The following CNTN5 variants were observed in gnomAD, a reference collection of about 807,000 sequenced individuals.
The protein encoded by CNTN5 is contactin 5, also known as contactin-5.
CNTN5 carries 77 observed loss-of-function variants against 129.1 expected under a neutral mutation model. That is an observed-to-expected ratio of 0.60 (90% CI 0.50 to 0.72). CNTN5 has a LOEUF of 0.72. Ranked by LOEUF, CNTN5 falls within the 30% of genes least tolerant of loss-of-function variation. The probability of loss-of-function intolerance (pLI) is 0.00; values close to 1 mark genes in which losing one functional copy is unlikely to be tolerated. For missense variants in CNTN5, 1,478 were observed against 1,328.8 expected, an observed-to-expected ratio of 1.11 and a Z score of -1.75; for synonymous variants, 509 against 465.6, an observed-to-expected ratio of 1.09 and a Z score of -1.20.
intron 9 of CNTN5, among the ~76,000 whole-genome samples, chr11:100,053,071 C>T (rs187599765): frequency 6.6e-6 from 1 of 151,592 alleles, no homozygotes; most frequent in Non-Finnish European, 1.5e-5. Flanking sequence ...GGATCATAGC[C>T]CTAAATGTAA....
chr11:99,374,526 C>CA lies in CNTN5; in HGVS notation c.-71+49050dup, dbSNP rs949168158. On this transcript the variant is annotated intron_variant, in intron 2 of 24. Transcript: ENST00000524871. Reference sequence around the variant, plus strand: ...GTAAAACCCCGTCTCTACAAAAATACAAAAAAAATTAGCCAGGCATGGTGG... The same window carrying CA: ...GTAAAACCCCGTCTCTACAAAAATACAAAAAAAAATTAGCCAGGCATGGTGG... Among the ~76,000 whole-genome samples, 113 of 151,574 alleles carry CA rather than the reference C, an allele frequency of 7.5e-4. 1 individual carries two copies. Among genetic ancestry groups the CA allele is most frequent in the African/African-American group, 2.5e-3 (105 of 41,350 alleles).
chr11:100,006,713 C>G (rs771215918), intron 9 of CNTN5, among the ~76,000 whole-genome samples: 21 of 152,042 alleles, frequency 1.4e-4, no homozygotes, highest in Non-Finnish European at 7.4e-5. Flanking sequence ...AGAACCACTT[C>G]TTCCAAATTC....
chr11:99,734,873 T>C (rs978183483), intron 3 of CNTN5, among the ~76,000 whole-genome samples: 2 of 152,178 alleles, frequency 1.3e-5, no homozygotes, highest in Non-Finnish European at 2.9e-5. Context: ...CCCGGTGCAG[T>C]GGCAGGCGCC....
intron 2 of CNTN5, among the ~76,000 whole-genome samples, chr11:99,390,129 G>GC (rs1454261630): frequency 9.4e-6 from 1 of 106,186 alleles, no homozygotes; most frequent in East Asian, 3.0e-4. Flanking sequence ...AATAAAATAA[G>GC]CCTTTTTTTT....
chr11:99,998,022 T>C (rs1591545206), intron 8 of CNTN5, among the ~76,000 whole-genome samples: 1 of 152,110 alleles, frequency 6.6e-6, no homozygotes, highest in South Asian at 2.1e-4. Flanking sequence ...ATAAGAGCTA[T>C]CTATGACAAA....
intron 13 of CNTN5, among the ~76,000 whole-genome samples, chr11:100,075,394 AG>A (rs1357405646): frequency 1.3e-5 from 2 of 152,160 alleles, no homozygotes; most frequent in Non-Finnish European, 2.9e-5. Context: ...ATAAGGGTCA[AG>A]GCTGTCATTC....
chr11:100,248,948 G>C (rs1390250498), intron 16 of CNTN5, among the ~76,000 whole-genome samples: 2 of 152,128 alleles, frequency 1.3e-5, no homozygotes, highest in East Asian at 3.9e-4. Context: ...CCGTTATCAA[G>C]ACTAAAGCCT....
chr11:100,039,049 G>T (rs980208035), intron 9 of CNTN5, among the ~76,000 whole-genome samples: 2 of 152,204 alleles, frequency 1.3e-5, no homozygotes, highest in African/African-American at 4.8e-5. Flanking sequence ...AGTTGATGCA[G>T]TTTCTTCCTA....
chr11:99,727,891 C>A (rs544673899), intron 3 of CNTN5, among the ~76,000 whole-genome samples: 1 of 140,974 alleles, frequency 7.1e-6, no homozygotes, highest in Admixed American at 7.3e-5. Context: ...CACAATTATC[C>A]ATCACTGTCT....
chr11:99,383,389 G>A (rs1565537990), intron 2 of CNTN5, among the ~76,000 whole-genome samples: 4 of 152,156 alleles, frequency 2.6e-5, no homozygotes, highest in Admixed American at 2.0e-4. Flanking sequence ...TTAGAAATTG[G>A]TTTGCTAATG....
intron 3 of CNTN5, among the ~76,000 whole-genome samples, chr11:99,811,229 G>A (rs1946419273): frequency 6.6e-6 from 1 of 151,828 alleles, no homozygotes. Context: ...AATATTTTAG[G>A]AGCGGTAAAT....
chr11:99,300,185 T>G (rs1480126123), intron 1 of CNTN5, among the ~76,000 whole-genome samples: 1 of 152,162 alleles, frequency 6.6e-6, no homozygotes, highest in Non-Finnish European at 1.5e-5. Context: ...ATGGCGTCCT[T>G]GCCTTGTTCC....
intron 3 of CNTN5, among the ~76,000 whole-genome samples, chr11:99,687,297 T>C (rs1270478681): frequency 1.3e-5 from 2 of 152,138 alleles, no homozygotes; most frequent in African/African-American, 4.8e-5. Flanking sequence ...ACAAGGTCAA[T>C]ATAATACCTC....
intron 2 of CNTN5, among the ~76,000 whole-genome samples, chr11:99,509,087 G>A (rs1250414160): frequency 2.0e-5 from 3 of 152,092 alleles, no homozygotes; most frequent in African/African-American, 7.2e-5. Flanking sequence ...ATGATATGGG[G>A]GGAATATATC....
intron 2 of CNTN5, among the ~76,000 whole-genome samples, chr11:99,522,464 G>A (rs970536634): frequency 6.6e-5 from 10 of 151,778 alleles, no homozygotes; most frequent in Admixed American, 5.9e-4. Context: ...GTATACTACT[G>A]GAACAAGTAA....
At chr11:99,877,219 T>A (rs529201376) in intron 6 of CNTN5, among the ~76,000 whole-genome samples, 18 of 152,318 alleles carry the variant, frequency 1.2e-4, no homozygotes, top group Admixed American at 3.3e-4. Context: ...AAATTCTTTA[T>A]AATAGAACAT....
intron 1 of CNTN5, among the ~76,000 whole-genome samples, chr11:99,175,575 A>G (rs902985358): frequency 2.0e-5 from 3 of 152,170 alleles, no homozygotes; most frequent in African/African-American, 4.8e-5. Context: ...ATGTGGGACC[A>G]GACCCCAGAT....
intron 9 of CNTN5, among the ~76,000 whole-genome samples, chr11:100,050,522 G>A (rs1230237235): frequency 1.3e-5 from 2 of 152,020 alleles, no homozygotes; most frequent in Non-Finnish European, 2.9e-5. Context: ...TATACCTAAT[G>A]CTAAATGACG....
intron 1 of CNTN5, among the ~76,000 whole-genome samples, chr11:99,098,164 A>G (rs961752132): frequency 6.6e-6 from 1 of 152,122 alleles, no homozygotes; most frequent in African/African-American, 2.4e-5. Context: ...TTTCTCATTC[A>G]TGGCTTCAAT....
Sources: allele counts gnomAD v4.1 joint callset (sites outside exome capture counted in the v4.1 genomes callset), GRCh38; gene constraint gnomAD v4.1.1; transcripts MANE v1.5; gene names NCBI Gene and HGNC (gene_info 2026-07-23, HGNC 2026-07-21).